The following OSBP2 variants were observed in gnomAD, a reference collection of about 807,000 sequenced individuals.
OSBP2 encodes oxysterol-binding protein 2.
Under a neutral mutation model 96.0 loss-of-function variants are expected in OSBP2, and 66 were observed. The ratio of observed to expected loss-of-function variants is 0.69; its 90% CI spans 0.56 to 0.84. The LOEUF (loss-of-function observed/expected upper bound fraction) is 0.84, where lower values mean the gene tolerates loss of function less well. Among genes scored for constraint, OSBP2 ranks in the 40% least tolerant of loss-of-function variants. The probability of loss-of-function intolerance (pLI) is 0.00; values close to 1 mark genes in which losing one functional copy is unlikely to be tolerated. For synonymous variants in OSBP2, 525 were observed against 520.9 expected (o/e 1.01, Z -0.11); for missense variants, 1,038 against 1,222.7 (o/e 0.85, Z 2.25).
At chr22:30,751,596 CCT>C (rs2090074452) in intron 2 of OSBP2, among the ~76,000 whole-genome samples, 1 of 152,136 alleles carries the variant, frequency 6.6e-6, no homozygotes. Context: ...CTGAGGTGAT[CCT>C]CCTGCCTTGG....
At chr22:30,898,175 T>C (rs1467574582) in intron 12 of OSBP2, among the ~76,000 whole-genome samples, 28 of 152,010 alleles carry the variant, frequency 1.8e-4, no homozygotes, top group Non-Finnish European at 2.4e-4. Context: ...ACCTCATCTC[T>C]ACCAAAAAAA....
intron 1 of OSBP2, among the ~76,000 whole-genome samples, chr22:30,717,248 G>A (rs974719480): frequency 6.6e-6 from 1 of 151,916 alleles, no homozygotes; most frequent in African/African-American, 2.4e-5. Flanking sequence ...ACTGCACCTT[G>A]CTGGGTCTTT....
chr22:30,805,872 A>G (rs1199499808), intron 2 of OSBP2, among the ~76,000 whole-genome samples: 1 of 152,216 alleles, frequency 6.6e-6, no homozygotes, highest in African/African-American at 2.4e-5. Context: ...AAAGGCCGTG[A>G]GGAGTCTGTT....
At chr22:30,756,211 C>T (rs1443990709) in intron 2 of OSBP2, among the ~76,000 whole-genome samples, 1 of 152,156 alleles carries the variant, frequency 6.6e-6, no homozygotes, top group African/African-American at 2.4e-5. Context: ...GTGGTTCATC[C>T]CTGCTGGGGT....
At chr22:30,830,332 G>A (rs2038494754) in intron 2 of OSBP2, among the ~76,000 whole-genome samples, 2 of 152,224 alleles carry the variant, frequency 1.3e-5, no homozygotes, top group South Asian at 4.1e-4. Flanking sequence ...CTCACACTGG[G>A]TGGTGTGTCA....
At chr22:30,820,393 A>AC (rs1000251252) in intron 2 of OSBP2, among the ~76,000 whole-genome samples, 1 of 151,688 alleles carries the variant, frequency 6.6e-6, no homozygotes, top group African/African-American at 2.4e-5. Flanking sequence ...CATCTCTAAA[A>AC]AAAAAATAAA....
At position 30,890,121 on chromosome 22, in the gene OSBP2, T is replaced by C. The variant is rs1414107925; in HGVS notation, c.1623+485T>C. ...GTTCTGCTGTGTGACCCAGAACAAG[T>C]TCCTTCACATCTCCAGCCTCTGTGT... On this transcript the variant is annotated intron_variant, in intron 7 of 13. Coordinates refer to ENST00000332585, the MANE Select transcript of OSBP2 (RefSeq NM_030758.4). This position sits in a 1 kb window ranked among gnomAD's most constrained non-coding sequence, Gnocchi z 4.4. 6.6e-6 allele frequency among the ~76,000 whole-genome samples: 1 copy of C among 152,120 alleles called. No individual in the cohort carries two copies. The highest frequency in any genetic ancestry group is 1.5e-5 in the Non-Finnish European group (1 of 68,014).
At chr22:30,701,222 T>C (rs1350151535) in intron 1 of OSBP2, among the ~76,000 whole-genome samples, 1 of 152,158 alleles carries the variant, frequency 6.6e-6, no homozygotes, top group Admixed American at 6.6e-5. Context: ...CTGGGATAGA[T>C]TGTGTACTCA....
chr22:30,905,780 G>A, intron 12 of OSBP2, 57 bp from the exon 13 acceptor site: 1 of 1,598,894 alleles, frequency 6.3e-7, no homozygotes, highest in Admixed American at 1.7e-5. Context: ...GGGCGGCCGG[G>A]TAGGTGTGGT....
At chr22:30,823,658 G>T (rs2038334862) in intron 2 of OSBP2, among the ~76,000 whole-genome samples, 1 of 152,236 alleles carries the variant, frequency 6.6e-6, no homozygotes, top group African/African-American at 2.4e-5. Context: ...CTCAGCCCAG[G>T]AATCCCATCC....
At chr22:30,879,469 G>A (rs938830793) in intron 3 of OSBP2, among the ~76,000 whole-genome samples, 11 of 152,232 alleles carry the variant, frequency 7.2e-5, no homozygotes, top group African/African-American at 2.7e-4. Context: ...CATTCTGATC[G>A]ACCCCCGGTG....
chr22:30,874,049 C>T (rs2039520598), intron 3 of OSBP2, among the ~76,000 whole-genome samples: 1 of 152,142 alleles, frequency 6.6e-6, no homozygotes, highest in Non-Finnish European at 1.5e-5. Context: ...CCAGCATGGC[C>T]AACATGGTGA....
chr22:30,771,793 T>G (rs2090349716), intron 2 of OSBP2, among the ~76,000 whole-genome samples: 1 of 152,122 alleles, frequency 6.6e-6, no homozygotes, highest in Non-Finnish European at 1.5e-5. Context: ...AGGCTGAGCT[T>G]GAAGGTGGGA....
chr22:30,866,185 T>C (rs1305915984), intron 2 of OSBP2, among the ~76,000 whole-genome samples: 1 of 152,148 alleles, frequency 6.6e-6, no homozygotes, highest in Non-Finnish European at 1.5e-5. Context: ...ATGTTGCAGA[T>C]ACAATGAAGA....
At chr22:30,749,459 C>G (rs1417384879) in intron 2 of OSBP2, among the ~76,000 whole-genome samples, 3 of 152,136 alleles carry the variant, frequency 2.0e-5, no homozygotes, top group Admixed American at 6.5e-5. Flanking sequence ...TGGAGTCACT[C>G]TGGTTAGGAT....
intron 2 of OSBP2, among the ~76,000 whole-genome samples, chr22:30,830,133 TG>T (rs1284865657): frequency 6.6e-6 from 1 of 152,242 alleles, no homozygotes; most frequent in African/African-American, 2.4e-5. Flanking sequence ...TCCTGGCATC[TG>T]GTTTTCCTAT....
intron 2 of OSBP2, among the ~76,000 whole-genome samples, chr22:30,825,613 C>T (rs2038383596): frequency 6.6e-6 from 1 of 152,232 alleles, no homozygotes; most frequent in Non-Finnish European, 1.5e-5. Flanking sequence ...TATGTGTGCA[C>T]TTATGTGTAT....
chr22:30,873,347 C>G (rs1341000319), intron 3 of OSBP2, among the ~76,000 whole-genome samples: 1 of 152,174 alleles, frequency 6.6e-6, no homozygotes, highest in African/African-American at 2.4e-5. Context: ...CACCCGCACC[C>G]TGGGCGGGAT....
At chr22:30,755,514 T>C (rs1221503012) in intron 2 of OSBP2, among the ~76,000 whole-genome samples, 3 of 152,158 alleles carry the variant, frequency 2.0e-5, no homozygotes, top group Admixed American at 6.5e-5. Flanking sequence ...ACCGTGTGAT[T>C]GGTTGTTTAA....
Sources: gnomAD v4.1 joint callset for allele counts (sites outside exome capture counted in the v4.1 genomes callset) on GRCh38, gnomAD v4.1.1 for gene constraint, Gnocchi (gnomAD v3.1) non-coding constraint, MANE v1.5 for transcripts, NCBI Gene and HGNC (gene_info 2026-07-23, HGNC 2026-07-21) for gene names.